Variants in ZNF234 observed in about 807,000 individuals in gnomAD.
The protein encoded by ZNF234 is zinc finger protein 234, also known as C2-H2 type zinc finger protein.
ZNF234 carries 4 observed loss-of-function variants against 10.3 expected under a neutral mutation model. The observed-to-expected ratio is 0.39, with a 90% CI of 0.19 to 0.89. The LOEUF (loss-of-function observed/expected upper bound fraction) is 0.89, where lower values mean the gene tolerates loss of function less well. Among genes scored for constraint, ZNF234 ranks in the 40% least tolerant of loss-of-function variants. The pLI is 0.38. For missense variants in ZNF234, 711 were observed against 836.1 expected, an observed-to-expected ratio of 0.85 and a Z score of 1.85; for synonymous variants, 258 against 280.1, an observed-to-expected ratio of 0.92 and a Z score of 0.79.
chr19:44,146,149 C>A (rs1324502796), intron 3 of ZNF234, among the ~76,000 whole-genome samples: 1 of 152,108 alleles, frequency 6.6e-6, no homozygotes, highest in Non-Finnish European at 1.5e-5. Context: ...CTGGAGTGCC[C>A]TGTTGGGTGA....
rs117201486 is a variant in ZNF234 at position 44,145,349 on chromosome 19, A to G, written c.15+702A>G. On this transcript the variant is annotated intron_variant, in intron 3 of 5. Coordinates refer to ENST00000426739, the MANE Select transcript of ZNF234 (RefSeq NM_006630.3). ...TTTTATTTTTGACTACTTCCCATTC[A>G]TGGACATTTAGGTGATTTAAGAATT... Among the ~76,000 whole-genome samples, 598 of 152,250 alleles carry G rather than the reference A, an allele frequency of 3.9e-3. 2 individuals carry two copies. Among genetic ancestry groups the G allele is most frequent in the Admixed American group, 0.012 (188 of 15,290 alleles).
intron 2 of ZNF234, among the ~76,000 whole-genome samples, chr19:44,143,615 A>AC (rs1968521548): frequency 8.6e-6 from 1 of 116,830 alleles, no homozygotes; most frequent in Non-Finnish European, 1.7e-5. Context: ...TCTCAGAAAA[A>AC]GAAAAAAAAA....
intron 3 of ZNF234, among the ~76,000 whole-genome samples, chr19:44,147,744 C>T (rs987900354): frequency 3.3e-5 from 5 of 151,802 alleles, no homozygotes; most frequent in African/African-American, 9.7e-5. Flanking sequence ...CCCAGCTACT[C>T]GGGAGGCTGA....
At chr19:44,152,068 CG>C (rs1280147243) in intron 5 of ZNF234, among the ~76,000 whole-genome samples, 2 of 152,166 alleles carry the variant, frequency 1.3e-5, no homozygotes, top group African/African-American at 4.8e-5. Context: ...ACAATCCTCT[CG>C]GCCCCTCTCT....
In ZNF234 at chr19:44,144,560, T is replaced by C; in HGVS notation, c.-73T>C. On this transcript the variant is annotated 5_prime_UTR_variant, in exon 3 of 6. Coordinates refer to ENST00000426739, the MANE Select transcript of ZNF234 (RefSeq NM_006630.3). ...TCTCTTTTTGTGTCTTCCATAGTGTTCCAGGCACGATTCTGCCTTCTCTCA... is the reference window on the plus strand; with the variant it reads ...TCTCTTTTTGTGTCTTCCATAGTGTCCCAGGCACGATTCTGCCTTCTCTCA... The C allele has an allele frequency of 7.2e-7, 1 of 1,394,792 alleles. No individual in the cohort carries two copies. Among genetic ancestry groups the C allele is most frequent in the Non-Finnish European group, 9.6e-7 (1 of 1,044,172 alleles). The allele number at this position is 1,394,792 out of a possible 1,614,324, so 86.4% of individuals were successfully genotyped here. A position where few individuals can be genotyped will look rare whatever the true frequency, so the allele number is the denominator to read the frequency against.
In ZNF234 at chr19:44,157,909, A is replaced by C; in HGVS notation, c.1893A>C (p.Lys631Asn). Residue 631 changes from lysine to asparagine, a missense_variant, in exon 6 of 6, where the codon AAA becomes AAC. Coordinates refer to ENST00000426739, the MANE Select transcript of ZNF234 (RefSeq NM_006630.3). ...CATACAAATGTGATGTATGTGGTAA[A>C]GTCTTCAGTCGGTCTTCACAATTAC... ...EKPYKCDVCGKVFSRSSQLQY... is the reference protein window; with the variant it reads ...EKPYKCDVCGNVFSRSSQLQY... The C allele has an allele frequency of 1.2e-6, 2 of 1,614,144 alleles. No individual in the cohort carries two copies. Among genetic ancestry groups the C allele is most frequent in the Non-Finnish European group, 1.7e-6 (2 of 1,180,018 alleles).
Position 44,157,686 on chromosome 19 carries a change from C to T in ZNF234, c.1670C>T (p.Ala557Val). 1 of 1,613,578 alleles carries T rather than the reference C, an allele frequency of 6.2e-7. No homozygotes were observed. Among genetic ancestry groups the T allele is most frequent in the Non-Finnish European group, 8.5e-7 (1 of 1,179,906 alleles). ...KSFSRSAHLQAHQKVHTGEKP... is the reference protein window; with the variant it reads ...KSFSRSAHLQVHQKVHTGEKP... ...TTCAGTCGGAGTGCACACCTTCAAG[C>T]CCATCAAAAAGTCCACACTGGAGAA... Residue 557 changes from alanine (A) to valine (V), a missense_variant, in exon 6 of 6, where the codon GCC (alanine) becomes GTC (valine). Transcript: ENST00000426739.
chr19:44,154,773 G>A lies in ZNF234; in HGVS notation c.236-1479G>A, dbSNP rs868011058. On this transcript the variant is annotated intron_variant, in intron 5 of 5. Coordinates refer to ENST00000426739, the MANE Select transcript of ZNF234 (RefSeq NM_006630.3). Reference sequence around the variant, plus strand: ...CAGCCTCCCAAATAGTGTTAACTACGGGTGCGTGCCACCACATCTGGCCAA... The same window carrying A: ...CAGCCTCCCAAATAGTGTTAACTACAGGTGCGTGCCACCACATCTGGCCAA... Among the ~76,000 whole-genome samples the A allele has an allele frequency of 4.6e-5, 7 of 151,384 alleles. No individual in the cohort carries two copies. In the South Asian group the frequency reaches 8.4e-4, roughly 18 times the overall value.
rs1342115748 is a variant in ZNF234, at chr19:44,150,479, C to T, written c.209C>T (p.Thr70Ile). 8 of 1,585,264 alleles carry T rather than the reference C, an allele frequency of 5.0e-6. No homozygotes were observed. Among genetic ancestry groups the T allele is most frequent in the Non-Finnish European group, 6.9e-6 (8 of 1,164,986 alleles). Residue 70 changes from threonine (T) to isoleucine (I), a missense_variant, in exon 5 of 6, where the codon ACA (threonine) becomes ATA (isoleucine). By Grantham distance (89) the Thr-to-Ile change is moderately conservative. Transcript: ENST00000426739. ...GAAAAAAAGCTTGATATAATGAAGA[C>T]AGCAACTCAAAGAAAAGGGAAATCA... ...EKEKKLDIMK[T>I]ATQRKGKSAD...
At chr19:44,146,964 C>T (rs1277717415) in intron 3 of ZNF234, among the ~76,000 whole-genome samples, 1 of 151,646 alleles carries the variant, frequency 6.6e-6, no homozygotes. Context: ...TACAGGCACG[C>T]ACCACCATGC....
chr19:44,148,398 G>A (rs1484851442), intron 3 of ZNF234, among the ~76,000 whole-genome samples: 1 of 152,226 alleles, frequency 6.6e-6, no homozygotes, highest in Admixed American at 6.5e-5. Context: ...TGTGAGAGAG[G>A]AGGAAGGTGG....
At position 44,159,323 on chromosome 19, in the gene ZNF234, C is replaced by T. The variant is rs766237388; in HGVS notation, c.*1204C>T. 3.8e-5 allele frequency: 7 copies of T among 185,818 alleles called. No homozygotes were observed. The highest frequency in any genetic ancestry group is 7.0e-5 in the African/African-American group (3 of 42,640). The allele number at this position is 185,818 out of a possible 1,614,324, so 11.5% of individuals were successfully genotyped here. A position where few individuals can be genotyped will look rare whatever the true frequency, so the allele number is the denominator to read the frequency against. Reference sequence around the variant, plus strand: ...CTCTGAGTAGCTGGGACCACGGGCACGTGCCACCACACCCAGCTAATTTTT... The same window carrying T: ...CTCTGAGTAGCTGGGACCACGGGCATGTGCCACCACACCCAGCTAATTTTT... On this transcript the variant is annotated 3_prime_UTR_variant, in exon 6 of 6. Coordinates refer to ENST00000426739, the MANE Select transcript of ZNF234 (RefSeq NM_006630.3).
At chr19:44,145,680 C>T (rs1459392072) in intron 3 of ZNF234, among the ~76,000 whole-genome samples, 1 of 152,248 alleles carries the variant, frequency 6.6e-6, no homozygotes, top group Non-Finnish European at 1.5e-5. Context: ...GCATGAGCCA[C>T]AGTGACTGGC....
In ZNF234 at chr19:44,141,888, C is replaced by G. The variant is rs187224175; in HGVS notation, c.-131+155C>G. 4.8e-4 allele frequency: 73 copies of G among 152,342 alleles called. No homozygotes were observed. Among genetic ancestry groups the G allele is most frequent in the African/African-American group, 1.6e-3 (66 of 41,524 alleles). The allele number at this position is 152,342 out of a possible 1,614,324, so 9.4% of individuals were successfully genotyped here. Reference sequence around the variant, plus strand: ...AGGGTTTCCGGGGCTCTGAGCTCGCCCACTCCGCCTCCCTGCACTCCAGGC... The same window carrying G: ...AGGGTTTCCGGGGCTCTGAGCTCGCGCACTCCGCCTCCCTGCACTCCAGGC... On this transcript the variant is annotated intron_variant, in intron 1 of 5. Coordinates refer to ENST00000426739, the MANE Select transcript of ZNF234 (RefSeq NM_006630.3). The surrounding 1 kb of genome is among the most constrained non-coding windows in gnomAD (Gnocchi z 4.6).
Position 44,156,995 on chromosome 19 carries a change from T to G in ZNF234, c.979T>G (p.Cys327Gly). Residue 327 changes from cysteine to glycine, a missense_variant, in exon 6 of 6, where the codon TGT becomes GGT. Physicochemically the swap from Cys to Gly is radical, Grantham distance 159. Coordinates refer to ENST00000426739, the MANE Select transcript of ZNF234 (RefSeq NM_006630.3). ...TGAGGACTGTGGTAAGTGTTTCACT[T>G]GTAGCTCAAACCTTCGTATCCATCA... ...KCEDCGKCFT[C>G]SSNLRIHQRV... is the part of the protein sequence containing the mutation. 1.2e-6 allele frequency: 2 copies of G among 1,613,754 alleles called. No homozygotes were observed. The highest frequency in any genetic ancestry group is 1.7e-4 in the Middle Eastern group (1 of 6,058).
At chr19:44,149,324 T>C (rs551950104) in intron 4 of ZNF234, among the ~76,000 whole-genome samples, 1 of 152,188 alleles carries the variant, frequency 6.6e-6, no homozygotes, top group South Asian at 2.1e-4. Context: ...GGTGCATGCC[T>C]CTTATCCCAC....
intron 4 of ZNF234, 29 bp from the exon 5 acceptor site, chr19:44,150,384 T>C: frequency 6.5e-7 from 1 of 1,541,530 alleles, no homozygotes; most frequent in Non-Finnish European, 8.8e-7. Flanking sequence ...AGTGTGTTTG[T>C]TTTAAATATG....
rs370764965 is a variant in ZNF234 at position 44,156,771 on chromosome 19, A to G, written c.755A>G (p.Lys252Arg). Residue 252 changes from lysine to arginine, a missense_variant, in exon 6 of 6, where the codon AAA becomes AGA. Lys to Arg is a conservative substitution (Grantham distance 26). Coordinates refer to ENST00000426739, the MANE Select transcript of ZNF234 (RefSeq NM_006630.3). The stretch of plus-strand genomic sequence containing the variant: ...AGATCAACACTTACTGTACATTGCA[A>G]ATTACACTCAGGAGAGAAACCTTAC... Reference protein sequence around the residue: ...SRRSTLTVHCKLHSGEKPYNC... With the variant: ...SRRSTLTVHCRLHSGEKPYNC... 5 of 1,613,076 alleles carry G rather than the reference A, an allele frequency of 3.1e-6. No homozygotes were observed. In the East Asian group the frequency reaches 8.9e-5, roughly 29 times the overall value.
chr19:44,159,890 G>T lies in ZNF234; in HGVS notation c.*1771G>T, dbSNP rs189036247. The T allele has an allele frequency of 6.0e-5, 10 of 166,306 alleles. No individual in the cohort carries two copies. The East Asian group carries it at 1.6e-3, about 27-fold the overall frequency. 10.3% of individuals were successfully genotyped at this position (166,306 alleles called of 1,614,324 possible). A position where few individuals can be genotyped will look rare whatever the true frequency, so the allele number is the denominator to read the frequency against. ...CTCTACTAAATACAAAAATTAGCTG[G>T]GCATGGTGGCAGGCGCCTGTAATCC... On this transcript the variant is annotated 3_prime_UTR_variant, in exon 6 of 6. Coordinates refer to ENST00000426739, the MANE Select transcript of ZNF234 (RefSeq NM_006630.3).
Sources: allele counts gnomAD v4.1 joint callset (sites outside exome capture counted in the v4.1 genomes callset), GRCh38; gene constraint gnomAD v4.1.1; non-coding constraint Gnocchi (gnomAD v3.1); transcripts MANE v1.5; gene names NCBI Gene and HGNC (gene_info 2026-07-23, HGNC 2026-07-21).